The following CACNA1A variants were observed in gnomAD, a reference collection of about 807,000 sequenced individuals.
The protein encoded by CACNA1A is voltage-dependent P/Q-type calcium channel subunit alpha-1A.
In CACNA1A, 57 loss-of-function variants were observed where a neutral mutation model predicts 262.4. That is an observed-to-expected ratio of 0.22 (90% CI 0.18 to 0.27). The LOEUF (loss-of-function observed/expected upper bound fraction) is 0.27. Among genes scored for constraint, CACNA1A ranks in the 10% least tolerant of loss-of-function variants. CACNA1A has a pLI of 1.00. For missense variants in CACNA1A, 2,526 were observed against 3,562.8 expected, an observed-to-expected ratio of 0.71 and a Z score of 7.41; for synonymous variants, 1,431 against 1,419.3, an observed-to-expected ratio of 1.01 and a Z score of -0.18.
intron 3 of CACNA1A, among the ~76,000 whole-genome samples, chr19:13,427,208 T>C (rs2060416614): frequency 6.6e-6 from 1 of 151,926 alleles, no homozygotes; most frequent in Non-Finnish European, 1.5e-5. Flanking sequence ...TCCTAGCACT[T>C]TGGGGGGCCG....
chr19:13,349,627 G>A (rs558790019), intron 6 of CACNA1A, among the ~76,000 whole-genome samples: 1 of 152,324 alleles, frequency 6.6e-6, no homozygotes, highest in East Asian at 1.9e-4. Context: ...TGAGCTCAGA[G>A]AAGCAGCCCT....
intron 38 of CACNA1A, among the ~76,000 whole-genome samples, chr19:13,222,098 G>C (rs2055253849): frequency 6.6e-6 from 1 of 151,870 alleles, no homozygotes; most frequent in African/African-American, 2.4e-5. Context: ...GTAGAGACAG[G>C]GTTTTGCCAT....
chr19:13,254,850 C>T (rs1468063546), intron 29 of CACNA1A, among the ~76,000 whole-genome samples: 2 of 151,976 alleles, frequency 1.3e-5, no homozygotes, highest in African/African-American at 2.4e-5. Context: ...GCACCTCAAG[C>T]AGTCTTGGGT....
intron 17 of CACNA1A, among the ~76,000 whole-genome samples, chr19:13,303,199 A>G (rs570447257): frequency 6.6e-6 from 1 of 152,152 alleles, no homozygotes; most frequent in East Asian, 1.9e-4. Context: ...TCCCCATAAC[A>G]GCACTCCCTC....
chr19:13,300,415 G>C (rs2057764240), intron 18 of CACNA1A, 135 bp downstream of exon 18: 1 of 664,900 alleles, frequency 1.5e-6, no homozygotes, highest in Non-Finnish European at 2.7e-6. Flanking sequence ...GTGAAAGTGG[G>C]TGGAAGGACA....
chr19:13,454,050 G>T (rs1031285833), intron 2 of CACNA1A, among the ~76,000 whole-genome samples: 3 of 151,796 alleles, frequency 2.0e-5, no homozygotes, highest in Admixed American at 2.0e-4. Flanking sequence ...ATGTCTTTTT[G>T]CAGGCTAAGG....
chr19:13,481,853 G>T (rs1979359753), intron 1 of CACNA1A, among the ~76,000 whole-genome samples: 1 of 151,994 alleles, frequency 6.6e-6, no homozygotes, highest in African/African-American at 2.4e-5. Context: ...GCGATCACTT[G>T]CTTTCTGTTC....
Position 13,308,385 on chromosome 19 carries a change from G to T in CACNA1A, c.1781+31C>A. ...ACCATGTCCCCCATCCCCACCCCCT[G>T]TACAAATGTCCAGGAACCCCAAAGA... On this transcript the variant is annotated intron_variant, in intron 13 of 46. Transcript: ENST00000360228. This position sits in a 1 kb window ranked among gnomAD's most constrained non-coding sequence, Gnocchi z 4.2. 1.3e-6 allele frequency: 2 copies of T among 1,566,758 alleles called. No homozygotes were observed. Among genetic ancestry groups the T allele is most frequent in the Admixed American group, 1.8e-5 (1 of 56,352 alleles).
Position 13,207,891 on chromosome 19 carries a change from GCTGCTGC to G in CACNA1A, c.6936_6942del (p.Gln2313SerfsTer293). ...TGCTGCTGCTGCTGCTGCTGCTGCTGCTGCTGCGGGGGCCCCGAGCCGCCGGCCTTAC... is the reference window on the plus strand; with the variant it reads ...TGCTGCTGCTGCTGCTGCTGCTGCTGGGGGGCCCCGAGCCGCCGGCCTTAC... On this transcript the variant is annotated frameshift_variant, in exon 47 of 47. Coordinates refer to ENST00000360228, the MANE Select transcript of CACNA1A (RefSeq NM_001127222.2). LOFTEE classifies it low-confidence loss of function (END_TRUNC). The surrounding 1 kb of genome is among the most constrained non-coding windows in gnomAD (Gnocchi z 5.7). 7.0e-7 allele frequency: 1 copy of G among 1,433,700 alleles called. No individual in the cohort carries two copies. Among genetic ancestry groups the G allele is most frequent in the South Asian group, 1.4e-5 (1 of 71,264 alleles). The allele number at this position is 1,433,700 out of a possible 1,614,324, so 88.8% of individuals were successfully genotyped here.
chr19:13,327,013 C>T (rs1271690738), intron 10 of CACNA1A, among the ~76,000 whole-genome samples: 1 of 151,770 alleles, frequency 6.6e-6, no homozygotes, highest in Non-Finnish European at 1.5e-5. Flanking sequence ...CTCAGCCTCA[C>T]GAGTAGCTGG....
At chr19:13,275,409 G>C (rs2057121202) in intron 24 of CACNA1A, 1 of 186,744 alleles carries the variant, frequency 5.4e-6, no homozygotes, top group South Asian at 1.1e-4. Flanking sequence ...GGAGTCACCA[G>C]GTCTACAACT....
intron 24 of CACNA1A, among the ~76,000 whole-genome samples, chr19:13,268,327 C>A (rs972815991): frequency 6.6e-6 from 1 of 152,104 alleles, no homozygotes; most frequent in African/African-American, 2.4e-5. Flanking sequence ...TCAACAATGA[C>A]TGGAGATCCA....
At chr19:13,476,916 G>C (rs1337888318) in intron 1 of CACNA1A, among the ~76,000 whole-genome samples, 2 of 152,026 alleles carry the variant, frequency 1.3e-5, no homozygotes, top group African/African-American at 4.8e-5. Context: ...ACAGCAGCCA[G>C]AGGAGCCTAT....
At chr19:13,450,133 T>G (rs2060888018) in intron 3 of CACNA1A, among the ~76,000 whole-genome samples, 1 of 124,784 alleles carries the variant, frequency 8.0e-6, no homozygotes, top group Admixed American at 8.5e-5. Flanking sequence ...AGAGGGAGAC[T>G]CTTGTCAAAA....
rs751474657 is a variant in CACNA1A, at chr19:13,209,268, TCTC to T, written c.6526+41_6526+43del. The T allele has an allele frequency of 9.7e-6, 14 of 1,435,900 alleles. No individual in the cohort carries two copies. The African/African-American group carries it at 1.9e-4, about 19-fold the overall frequency. The allele number at this position is 1,435,900 out of a possible 1,614,324, so 88.9% of individuals were successfully genotyped here. A position where few individuals can be genotyped will look rare whatever the true frequency, so the allele number is the denominator to read the frequency against. ...CGCCCTGCCTTCTCCTCCCCTCTCCTCTCCTCTGTTCTGCTTGTCCCTGAGCAC... is the reference window on the plus strand; with the variant it reads ...CGCCCTGCCTTCTCCTCCCCTCTCCTCTCTGTTCTGCTTGTCCCTGAGCAC... On this transcript the variant is annotated intron_variant, in intron 45 of 46. Coordinates refer to ENST00000360228, the MANE Select transcript of CACNA1A (RefSeq NM_001127222.2).
chr19:13,322,227 G>A (rs917193141), intron 10 of CACNA1A, among the ~76,000 whole-genome samples: 117 of 147,352 alleles, frequency 7.9e-4, no homozygotes, highest in African/African-American at 2.8e-3. Flanking sequence ...AAAAGAAATC[G>A]CATACAGAAA....
Position 13,212,329 on chromosome 19 carries a change from C to A in CACNA1A, c.6189+55G>T. ...TGTGTGTGGGGGGCCCAGATCCCTT[C>A]CACCTGAACCACCCGGGCCCTGGGA... On this transcript the variant is annotated intron_variant, in intron 42 of 46. Transcript: ENST00000360228. The surrounding 1 kb of genome is among the most constrained non-coding windows in gnomAD (Gnocchi z 5.6). 1 of 1,605,544 alleles carries A rather than the reference C, an allele frequency of 6.2e-7. No homozygotes were observed. The highest frequency in any genetic ancestry group is 8.5e-7 in the Non-Finnish European group (1 of 1,174,260).
intron 6 of CACNA1A, among the ~76,000 whole-genome samples, chr19:13,337,873 T>C (rs1240526817): frequency 6.6e-6 from 1 of 152,224 alleles, no homozygotes; most frequent in African/African-American, 2.4e-5. Flanking sequence ...CCATACAGCA[T>C]GTTATTCTAT....
At chr19:13,318,643 T>G (rs1026924375) in intron 10 of CACNA1A, among the ~76,000 whole-genome samples, 2 of 150,940 alleles carry the variant, frequency 1.3e-5, no homozygotes, top group Non-Finnish European at 3.0e-5. Context: ...GGGGCTGGAG[T>G]TGGGTGGTAG....
Sources: gnomAD v4.1 joint callset for allele counts (sites outside exome capture counted in the v4.1 genomes callset) on GRCh38, gnomAD v4.1.1 for gene constraint, Gnocchi (gnomAD v3.1) non-coding constraint, MANE v1.5 for transcripts, NCBI Gene and HGNC (gene_info 2026-07-23, HGNC 2026-07-21) for gene names.